The following TRUB2 variants were observed in gnomAD, a reference collection of about 807,000 sequenced individuals.
TRUB2 encodes pseudouridylate synthase TRUB2, mitochondrial.
In TRUB2, 31 loss-of-function variants were observed where a neutral mutation model predicts 31.9. That is an observed-to-expected ratio of 0.97 (90% CI 0.73 to 1.31). The LOEUF (loss-of-function observed/expected upper bound fraction) is 1.31, where lower values mean the gene tolerates loss of function less well. Ranked by LOEUF, TRUB2 falls within the 50% of genes most tolerant of loss-of-function variation. The pLI, the probability that TRUB2 is intolerant of heterozygous loss-of-function variation, is 0.00. For synonymous variants in TRUB2, 201 were observed against 182.6 expected (o/e 1.10, Z -0.81); for missense variants, 451 against 439.6 (o/e 1.03, Z -0.23).
Position 128,305,819 on chromosome 9 carries a change from A to G in TRUB2, c.*3731T>C, listed in dbSNP as rs1033898791. 6.6e-6 allele frequency: 1 copy of G among 152,152 alleles called. No individual in the cohort carries two copies. Among genetic ancestry groups the G allele is most frequent in the African/African-American group, 2.4e-5 (1 of 41,336 alleles). 9.4% of individuals were successfully genotyped at this position (152,152 alleles called of 1,614,324 possible). On this transcript the variant is annotated 3_prime_UTR_variant, in exon 8 of 8. Transcript: ENST00000372890. ...ATCCTCCCATCTCAGCCTCCCTAGT[A>G]GCTGGGACTACAGGCACACACCAAC...
intron 4 of TRUB2, among the ~76,000 whole-genome samples, chr9:128,314,523 G>A (rs1832034953): frequency 6.6e-6 from 1 of 152,084 alleles, no homozygotes; most frequent in Admixed American, 6.6e-5. Context: ...TATAATCCCA[G>A]CACTTTGGGA....
Position 128,320,162 on chromosome 9 carries a change from C to T in TRUB2, c.241+1437G>A, listed in dbSNP as rs537406403. Among the ~76,000 whole-genome samples the T allele has an allele frequency of 5.9e-4, 90 of 151,648 alleles. 1 individual carries two copies. The South Asian group carries it at 0.013, about 22-fold the overall frequency. ...CGATTTCCTGACCTCGTGATCCGCC[C>T]ACCTCAGCCTCTTTATTTTTTTTGG... On this transcript the variant is annotated intron_variant, in intron 2 of 7. Coordinates refer to ENST00000372890, the MANE Select transcript of TRUB2 (RefSeq NM_015679.3).
chr9:128,317,483 C>T (rs963813216), intron 2 of TRUB2, among the ~76,000 whole-genome samples: 3 of 152,252 alleles, frequency 2.0e-5, no homozygotes, highest in Admixed American at 1.3e-4. Context: ...AGAAGACTGG[C>T]GTAACACTGA....
intron 4 of TRUB2, among the ~76,000 whole-genome samples, chr9:128,314,808 G>T (rs1832039834): frequency 6.6e-6 from 1 of 152,026 alleles, no homozygotes; most frequent in African/African-American, 2.4e-5. Flanking sequence ...AAATTCCTGG[G>T]CTCAAGCAAT....
Position 128,313,815 on chromosome 9 carries a change from T to C in TRUB2, c.453A>G (p.Thr151=). The change falls in exon 5 of 8, where the codon ACA becomes ACG. Residue 151 remains threonine, a synonymous_variant. Coordinates refer to ENST00000372890, the MANE Select transcript of TRUB2 (RefSeq NM_015679.3). ...GCCACTTCCGGTTCTCACCATAGGTTGTCTTCTCTACCAGCCTCCCGTCCT... is the reference window on the plus strand; with the variant it reads ...GCCACTTCCGGTTCTCACCATAGGTCGTCTTCTCTACCAGCCTCCCGTCCT... ...FREDGRLVEK[T]TYDHVTREKL... 6.2e-7 allele frequency: 1 copy of C among 1,614,148 alleles called. No individual in the cohort carries two copies. The highest frequency in any genetic ancestry group is 8.5e-7 in the Non-Finnish European group (1 of 1,180,008).
chr9:128,311,228 C>T, intron 6 of TRUB2: 1 of 677,098 alleles, frequency 1.5e-6, no homozygotes, highest in Non-Finnish European at 2.5e-6. Context: ...GCTCTTAACT[C>T]CTTGGCTGCT....
chr9:128,317,507 G>A (rs555858854), intron 2 of TRUB2, among the ~76,000 whole-genome samples: 8 of 152,318 alleles, frequency 5.3e-5, no homozygotes, highest in South Asian at 4.1e-4. Flanking sequence ...TCAAGAGTGC[G>A]GGGTTCCCTG....
At chr9:128,315,465 G>A in intron 4 of TRUB2, 102 bp downstream of exon 4, 1 of 1,217,150 alleles carries the variant, frequency 8.2e-7, no homozygotes, top group Non-Finnish European at 1.2e-6. Flanking sequence ...GCTTGCTTAT[G>A]GCTTGGGTGT....
chr9:128,321,652 T>G lies in TRUB2; in HGVS notation c.188A>C (p.Lys63Thr). ...LLGPMEGSEE[K>T]ELTLTATSVP... ...GCTGGTGGCTGTGAGGGTCAGCTCC[T>G]TCTCTTCGCTGCCTTCCATGGGGCC... The change falls in exon 2 of 8, where the codon AAG (lysine) becomes ACG (threonine). Residue 63 changes from lysine (K) to threonine (T), a missense_variant. Transcript: ENST00000372890. 6.2e-7 allele frequency: 1 copy of G among 1,614,036 alleles called. No individual in the cohort carries two copies. Among genetic ancestry groups the G allele is most frequent in the Non-Finnish European group, 8.5e-7 (1 of 1,180,020 alleles).
chr9:128,321,232 G>T (rs1202972312), intron 2 of TRUB2, among the ~76,000 whole-genome samples: 1 of 152,188 alleles, frequency 6.6e-6, no homozygotes, highest in Admixed American at 6.5e-5. Context: ...CTGGATCATG[G>T]GATGTGGAAC....
In TRUB2 at chr9:128,311,514, G is replaced by A. The variant is rs779218751; in HGVS notation, c.533+15C>T. The stretch of plus-strand genomic sequence containing the variant: ...CTTACTGCTCTCCCAGTACCTCCCT[G>A]AGGGCCCTACTCACATCACCAGGGC... On this transcript the variant is annotated intron_variant, in intron 6 of 7. Coordinates refer to ENST00000372890, the MANE Select transcript of TRUB2 (RefSeq NM_015679.3). 3 of 1,613,454 alleles carry A rather than the reference G, an allele frequency of 1.9e-6. No homozygotes were observed. Among genetic ancestry groups the A allele is most frequent in the Non-Finnish European group, 2.5e-6 (3 of 1,179,534 alleles).
intron 3 of TRUB2, among the ~76,000 whole-genome samples, chr9:128,316,070 G>A (rs1832063148): frequency 6.6e-6 from 1 of 152,000 alleles, no homozygotes; most frequent in Non-Finnish European, 1.5e-5. Flanking sequence ...CAGAACTTTG[G>A]GAGGCCGAGG....
chr9:128,309,339 C>T lies in TRUB2; in HGVS notation c.*211G>A. ...ACCACGCCTGGTCTGCCAATACTTT[C>T]TATCAGTCTGTCATGTTTACTGTCT... On this transcript the variant is annotated 3_prime_UTR_variant, in exon 8 of 8. Coordinates refer to ENST00000372890, the MANE Select transcript of TRUB2 (RefSeq NM_015679.3). 1 of 579,862 alleles carries T rather than the reference C, an allele frequency of 1.7e-6. No homozygotes were observed. Among genetic ancestry groups the T allele is most frequent in the Non-Finnish European group, 3.0e-6 (1 of 328,642 alleles). The allele number at this position is 579,862 out of a possible 1,614,324, so 35.9% of individuals were successfully genotyped here. A position where few individuals can be genotyped will look rare whatever the true frequency, so the allele number is the denominator to read the frequency against.
rs950382695 is a variant in TRUB2, at chr9:128,306,064, A to G, written c.*3486T>C. 6.6e-6 allele frequency: 1 copy of G among 152,144 alleles called. No homozygotes were observed. The highest frequency in any genetic ancestry group is 1.5e-5 in the Non-Finnish European group (1 of 68,016). The allele number at this position is 152,144 out of a possible 1,614,324, so 9.4% of individuals were successfully genotyped here. ...TTACACATTTGGTACATTTTTAACA[A>G]TCGTTGATTGTTCAACTCCATCCGT... is the stretch of plus-strand genomic sequence containing the variant. On this transcript the variant is annotated 3_prime_UTR_variant, in exon 8 of 8. Transcript: ENST00000372890.
chr9:128,314,014 G>C (rs1832025984), intron 4 of TRUB2, 125 bp from the exon 5 acceptor site: 2 of 748,606 alleles, frequency 2.7e-6, no homozygotes, highest in African/African-American at 3.5e-5. Context: ...CCCAGCCCCT[G>C]CCCAGCTGCT....
chr9:128,311,672 C>T lies in TRUB2; in HGVS notation c.461-71G>A, dbSNP rs80246913. ...TTGGTCACAGCAAACTCCTTCCCCC[C>T]AGGCCAGCCCCATCCCTGGAACATG... On this transcript the variant is annotated intron_variant, in intron 5 of 7. Transcript: ENST00000372890. The T allele has an allele frequency of 1.5e-3, 2,325 of 1,520,910 alleles. 38 individuals carry two copies. The African/African-American group carries it at 0.029, about 19-fold the overall frequency. The allele number at this position is 1,520,910 out of a possible 1,614,324, so 94.2% of individuals were successfully genotyped here.
intron 2 of TRUB2, among the ~76,000 whole-genome samples, chr9:128,320,061 G>A (rs1157778872): frequency 4.6e-5 from 7 of 150,716 alleles, no homozygotes; most frequent in Non-Finnish European, 3.0e-5. Flanking sequence ...GACTACAGGC[G>A]CCCACCACCA....
At chr9:128,310,065 C>A (rs956191563) in intron 7 of TRUB2, among the ~76,000 whole-genome samples, 190 bp from the exon 8 acceptor site, 1 of 152,080 alleles carries the variant, frequency 6.6e-6, no homozygotes, top group African/African-American at 2.4e-5. Flanking sequence ...ACTTGCAGAA[C>A]CTCAGGCCCC....
At chr9:128,317,268 C>A (rs776839206) in intron 2 of TRUB2, 42 bp from the exon 3 acceptor site, 8 of 1,555,410 alleles carry the variant, frequency 5.1e-6, no homozygotes, top group Non-Finnish European at 7.0e-6. Context: ...AACTAAATGC[C>A]ACCCCAGGAT....
Sources: gnomAD v4.1 joint callset for allele counts (sites outside exome capture counted in the v4.1 genomes callset) on GRCh38, gnomAD v4.1.1 for gene constraint, MANE v1.5 for transcripts, NCBI Gene and HGNC (gene_info 2026-07-23, HGNC 2026-07-21) for gene names.